Variants in SKAP2 observed in about 807,000 individuals in gnomAD.
The protein encoded by SKAP2 is src kinase associated phosphoprotein 2, also known as src kinase-associated phosphoprotein 2.
A neutral mutation model predicts 54.9 loss-of-function variants in SKAP2; 28 were observed. That is an observed-to-expected ratio of 0.51 (90% CI 0.38 to 0.70). The LOEUF (loss-of-function observed/expected upper bound fraction) is 0.70. SKAP2 is among the 30% of genes least tolerant of loss of function. SKAP2 has a pLI of 0.00. For synonymous variants in SKAP2, 137 were observed against 134.3 expected (o/e 1.02, Z -0.14); for missense variants, 356 against 424.1 (o/e 0.84, Z 1.41).
chr7:26,684,226 A>G (rs1786578412), intron 11 of SKAP2, among the ~76,000 whole-genome samples: 2 of 152,174 alleles, frequency 1.3e-5, no homozygotes, highest in South Asian at 2.1e-4. Context: ...CAAATATAGT[A>G]TGCTAAACAA....
intron 8 of SKAP2, 131 bp from the exon 9 acceptor site, chr7:26,725,696 C>T (rs956342177): frequency 4.0e-6 from 4 of 1,005,538 alleles, no homozygotes; most frequent in Non-Finnish European, 5.6e-6. Context: ...TAACTAAAAA[C>T]ATGTTTAAAA....
chr7:26,753,392 T>C (rs910379702), intron 4 of SKAP2, among the ~76,000 whole-genome samples: 1 of 152,224 alleles, frequency 6.6e-6, no homozygotes, highest in African/African-American at 2.4e-5. Flanking sequence ...CAGAATGGTA[T>C]ATTTAAAAAC....
intron 11 of SKAP2, among the ~76,000 whole-genome samples, chr7:26,675,025 T>G (rs1786321814): frequency 6.6e-6 from 1 of 152,192 alleles, no homozygotes; most frequent in Non-Finnish European, 1.5e-5. Flanking sequence ...ATGACTCTAT[T>G]AACTGTTCTC....
chr7:26,758,325 G>A (rs1210068858), intron 4 of SKAP2, among the ~76,000 whole-genome samples: 1 of 152,004 alleles, frequency 6.6e-6, no homozygotes, highest in Non-Finnish European at 1.5e-5. Flanking sequence ...AGTAATTTAA[G>A]TCGATTTATA....
At chr7:26,662,699 G>A (rs1208291570), downstream of SKAP2, among the ~76,000 whole-genome samples, 1 of 152,118 alleles carries the variant, frequency 6.6e-6, no homozygotes, top group Non-Finnish European at 1.5e-5. Flanking sequence ...ACCAACTGAA[G>A]CAAAGCAACA....
chr7:26,705,872 A>T (rs1787145386), intron 9 of SKAP2, among the ~76,000 whole-genome samples: 1 of 152,224 alleles, frequency 6.6e-6, no homozygotes, highest in African/African-American at 2.4e-5. Context: ...ATATATTGAA[A>T]AGTTAAAATC....
intron 6 of SKAP2, among the ~76,000 whole-genome samples, chr7:26,737,734 T>C (rs1787973325): frequency 6.6e-6 from 1 of 152,200 alleles, no homozygotes; most frequent in African/African-American, 2.4e-5. Context: ...TAGCCTGTTT[T>C]CCCCAGAATA....
At position 26,818,436 on chromosome 7, in the gene SKAP2, C is replaced by T. The variant is rs1784317360; in HGVS notation, c.307+25594G>A. Among the ~76,000 whole-genome samples, 4 of 152,106 alleles carry T rather than the reference C, an allele frequency of 2.6e-5. No individual in the cohort carries two copies. In the South Asian group the frequency reaches 8.3e-4, roughly 32 times the overall value. On this transcript the variant is annotated intron_variant, in intron 4 of 12. Coordinates refer to ENST00000345317, the MANE Select transcript of SKAP2 (RefSeq NM_003930.5). ...TCCTTACACCTTATACAAAAATTAA[C>T]TCAAGGTGGATTAAAGACTTAAAAC...
chr7:26,820,998 A>C (rs1784374158), intron 4 of SKAP2, among the ~76,000 whole-genome samples: 1 of 152,196 alleles, frequency 6.6e-6, no homozygotes, highest in African/African-American at 2.4e-5. Context: ...AACAGAAAAT[A>C]ATTTGTTCAA....
At chr7:26,663,648 CAATT>C (rs1786057366), downstream of SKAP2, among the ~76,000 whole-genome samples, 1 of 152,122 alleles carries the variant, frequency 6.6e-6, no homozygotes, top group South Asian at 2.1e-4. Context: ...TTAAACCAAT[CAATT>C]AAAACCCATC....
At chr7:26,782,266 A>C (rs1783443983) in intron 4 of SKAP2, among the ~76,000 whole-genome samples, 1 of 152,216 alleles carries the variant, frequency 6.6e-6, no homozygotes, top group South Asian at 2.1e-4. Context: ...AATATAAGGT[A>C]GTGATAAACC....
chr7:26,711,340 T>C (rs758564990), intron 9 of SKAP2, among the ~76,000 whole-genome samples: 32 of 152,180 alleles, frequency 2.1e-4, no homozygotes, highest in Non-Finnish European at 3.5e-4. Context: ...TATGGTATAT[T>C]TGAGAACAGG....
intron 4 of SKAP2, among the ~76,000 whole-genome samples, chr7:26,747,894 C>A (rs746894955): frequency 9.2e-5 from 14 of 151,580 alleles, no homozygotes; most frequent in Non-Finnish European, 1.6e-4. Context: ...AGAAATCTAC[C>A]AAACTATGAA....
intron 1 of SKAP2, among the ~76,000 whole-genome samples, chr7:26,861,615 C>CTTTT (rs34331819): frequency 3.4e-5 from 4 of 116,148 alleles, no homozygotes; most frequent in East Asian, 2.5e-4. Flanking sequence ...ATAACAACCT[C>CTTTT]TTTTTTTTTT....
intron 9 of SKAP2, among the ~76,000 whole-genome samples, chr7:26,704,414 T>G (rs951621889): frequency 1.3e-5 from 2 of 152,196 alleles, no homozygotes; most frequent in Admixed American, 1.3e-4. Context: ...CTGAATAAGA[T>G]AGCTATAGTT....
intron 4 of SKAP2, among the ~76,000 whole-genome samples, chr7:26,812,917 AT>A (rs1562620474): frequency 6.6e-6 from 1 of 151,890 alleles, no homozygotes; most frequent in Admixed American, 6.6e-5. Context: ...CCCCAAATTT[AT>A]CTTTTCTCAC....
At chr7:26,830,390 A>T (rs1784573462) in intron 4 of SKAP2, among the ~76,000 whole-genome samples, 1 of 152,178 alleles carries the variant, frequency 6.6e-6, no homozygotes, top group Admixed American at 6.5e-5. Flanking sequence ...ACTTTAAATT[A>T]GTATATTCTA....
intron 4 of SKAP2, among the ~76,000 whole-genome samples, chr7:26,830,847 T>C (rs1304076315): frequency 1.3e-5 from 2 of 152,162 alleles, no homozygotes; most frequent in Non-Finnish European, 2.9e-5. Context: ...AAAAATAATA[T>C]ACAGTTTTGC....
At chr7:26,801,248 A>C (rs546807627) in intron 4 of SKAP2, among the ~76,000 whole-genome samples, 6 of 152,348 alleles carry the variant, frequency 3.9e-5, no homozygotes, top group African/African-American at 1.4e-4. Context: ...AGAATGAAGG[A>C]TGAAAACCAT....
Sources: gnomAD v4.1 joint callset for allele counts (sites outside exome capture counted in the v4.1 genomes callset) on GRCh38, gnomAD v4.1.1 for gene constraint, MANE v1.5 for transcripts, NCBI Gene and HGNC (gene_info 2026-07-23, HGNC 2026-07-21) for gene names.